The following NBAS variants were observed in gnomAD, a reference collection of about 807,000 sequenced individuals.
NBAS encodes the protein NBAS subunit of NRZ tethering complex, also known as NAG/BC035112 fusion.
NBAS carries 219 observed loss-of-function variants against 302.5 expected under a neutral mutation model. The observed-to-expected ratio is 0.72, with a 90% confidence interval of 0.65 to 0.81. The LOEUF (loss-of-function observed/expected upper bound fraction) is 0.81. NBAS is among the 30% of genes least tolerant of loss of function. NBAS has a pLI of 0.00. For synonymous variants in NBAS, 1,118 were observed against 1,021.6 expected, an observed-to-expected ratio of 1.09 and a Z score of -1.80; for missense variants, 2,932 against 2,841.6, an observed-to-expected ratio of 1.03 and a Z score of -0.72.
chr2:14,935,415 T>C, the NBAS span, among the ~76,000 whole-genome samples: 1 of 152,238 alleles, frequency 6.6e-6, no homozygotes, highest in African/African-American at 2.4e-5. Context: ...AATATAAAGA[T>C]AACAAGTCAT....
At chr2:15,306,763 CTT>C (rs201533077) in intron 40 of NBAS, among the ~76,000 whole-genome samples, 314 of 132,402 alleles carry the variant, frequency 2.4e-3, no homozygotes, top group Admixed American at 7.7e-3. Flanking sequence ...TTGTGGAAAT[CTT>C]TTTTTTTTTT....
chr2:15,332,384 G>A (rs1017971587), intron 35 of NBAS, among the ~76,000 whole-genome samples: 5 of 152,040 alleles, frequency 3.3e-5, no homozygotes, highest in Non-Finnish European at 7.4e-5. Flanking sequence ...AGCAGCAACA[G>A]AAAACAAATA....
intron 19 of NBAS, among the ~76,000 whole-genome samples, chr2:15,466,969 G>A (rs907354514): frequency 3.3e-5 from 5 of 150,336 alleles, no homozygotes; most frequent in African/African-American, 1.2e-4. Flanking sequence ...AATAAAACGA[G>A]TCAGAAATAT....
chr2:14,815,436 C>T, the NBAS span, among the ~76,000 whole-genome samples: 1 of 152,180 alleles, frequency 6.6e-6, no homozygotes, highest in South Asian at 2.1e-4. Context: ...CTGGCACTCA[C>T]ACTTTGTTGT....
At chr2:15,062,586 T>C in the NBAS span, among the ~76,000 whole-genome samples, 5 of 152,194 alleles carry the variant, frequency 3.3e-5, no homozygotes, top group African/African-American at 4.8e-5. Flanking sequence ...GGAACCAGCA[T>C]ATTAGAGCAA....
intron 38 of NBAS, among the ~76,000 whole-genome samples, chr2:15,312,841 A>G (rs1412491580): frequency 6.6e-6 from 1 of 152,150 alleles, no homozygotes; most frequent in Non-Finnish European, 1.5e-5. Context: ...GTCAAATCCA[A>G]CTGAATAATT....
the NBAS span, among the ~76,000 whole-genome samples, chr2:14,791,982 T>C: frequency 6.6e-6 from 1 of 151,938 alleles, no homozygotes; most frequent in Non-Finnish European, 1.5e-5. Context: ...AAACCTAATT[T>C]AGAGGGTGAT....
the NBAS span, among the ~76,000 whole-genome samples, chr2:15,059,984 A>AG: frequency 7.8e-6 from 1 of 128,886 alleles, no homozygotes; most frequent in Non-Finnish European, 1.7e-5. Flanking sequence ...AACAAAAAAA[A>AG]AAACACTCCA....
At chr2:14,909,320 A>C in the NBAS span, among the ~76,000 whole-genome samples, 4 of 124,276 alleles carry the variant, frequency 3.2e-5, no homozygotes, top group Admixed American at 3.0e-4. Context: ...ACTCCGTCTC[A>C]AAAAAAAAAA....
At chr2:14,848,189 T>G in the NBAS span, among the ~76,000 whole-genome samples, 32 of 151,548 alleles carry the variant, frequency 2.1e-4, no homozygotes, top group South Asian at 6.2e-4. Flanking sequence ...ACTAGGGAGT[T>G]CCAGAGAGTG....
At chr2:15,044,236 A>G in the NBAS span, among the ~76,000 whole-genome samples, 1 of 152,202 alleles carries the variant, frequency 6.6e-6, no homozygotes, top group Non-Finnish European at 1.5e-5. Flanking sequence ...CTACCTGCTA[A>G]TATGCTGATG....
At chr2:15,469,067 T>C (rs1047495057) in intron 16 of NBAS, among the ~76,000 whole-genome samples, 1 of 152,188 alleles carries the variant, frequency 6.6e-6, no homozygotes, top group African/African-American at 2.4e-5. Flanking sequence ...CCCTCCCAAC[T>C]ATTTCCTCCA....
chr2:15,359,182 C>T (rs895125728), intron 32 of NBAS, among the ~76,000 whole-genome samples: 1 of 146,276 alleles, frequency 6.8e-6, no homozygotes, highest in Non-Finnish European at 1.5e-5. Flanking sequence ...AACCTTACTT[C>T]TTGCTATTCA....
At chr2:15,339,537 T>C (rs1372739582) in intron 35 of NBAS, among the ~76,000 whole-genome samples, 1 of 152,228 alleles carries the variant, frequency 6.6e-6, no homozygotes, top group Non-Finnish European at 1.5e-5. Flanking sequence ...GTGACAGGCA[T>C]TGTTGTAAAT....
chr2:15,231,287 G>C (rs971726437), intron 47 of NBAS, among the ~76,000 whole-genome samples: 1 of 152,192 alleles, frequency 6.6e-6, no homozygotes. Flanking sequence ...AAGGTAAAAA[G>C]CACGGGAAGT....
At chr2:14,817,493 G>A in the NBAS span, among the ~76,000 whole-genome samples, 1 of 152,126 alleles carries the variant, frequency 6.6e-6, no homozygotes, top group Non-Finnish European at 1.5e-5. Flanking sequence ...TTTATCTTTG[G>A]CTCCCCATTG....
chr2:14,940,272 T>G, the NBAS span, among the ~76,000 whole-genome samples: 1 of 152,222 alleles, frequency 6.6e-6, no homozygotes, highest in East Asian at 1.9e-4. Flanking sequence ...AGTTCTCATT[T>G]ACACTGAGGT....
chr2:15,426,039 A>G (rs951469952), intron 22 of NBAS, among the ~76,000 whole-genome samples: 1 of 152,152 alleles, frequency 6.6e-6, no homozygotes, highest in Non-Finnish European at 1.5e-5. Context: ...CACTCTCCCC[A>G]GTCTCCTCTT....
the NBAS span, among the ~76,000 whole-genome samples, chr2:14,874,007 A>G: frequency 2.6e-5 from 4 of 152,152 alleles, no homozygotes; most frequent in African/African-American, 9.7e-5. Flanking sequence ...AGTCAATATA[A>G]TCAAAGATGG....
Sources: allele counts gnomAD v4.1 joint callset (sites outside exome capture counted in the v4.1 genomes callset), GRCh38; gene constraint gnomAD v4.1.1; transcripts MANE v1.5; gene names NCBI Gene and HGNC (gene_info 2026-07-23, HGNC 2026-07-21).